Variants in RASGRF2 observed in about 807,000 individuals in gnomAD.
RASGRF2 encodes Ras protein specific guanine nucleotide releasing factor 2.
Under a neutral mutation model 151.0 loss-of-function variants are expected in RASGRF2, and 76 were observed. The ratio of observed to expected loss-of-function variants is 0.50; its 90% CI spans 0.42 to 0.61. The LOEUF (loss-of-function observed/expected upper bound fraction) is 0.61. Ranked by LOEUF, RASGRF2 falls within the 20% of genes least tolerant of loss-of-function variation. The probability of loss-of-function intolerance (pLI) is 0.00; values close to 1 mark genes in which losing one functional copy is unlikely to be tolerated. For synonymous variants in RASGRF2, 504 were observed against 566.5 expected (o/e 0.89, Z 1.57); for missense variants, 1,148 against 1,564.6 (o/e 0.73, Z 4.49).
At chr5:81,093,002 C>T (rs1209893307) in intron 10 of RASGRF2, 41 bp downstream of exon 10, 1 of 1,525,122 alleles carries the variant, frequency 6.6e-7, no homozygotes, top group South Asian at 1.2e-5. Flanking sequence ...CTTCCAAGCA[C>T]TTACAAGTTA....
intron 1 of RASGRF2, among the ~76,000 whole-genome samples, chr5:81,024,752 C>T (rs1457156980): frequency 6.6e-6 from 1 of 152,178 alleles, no homozygotes; most frequent in Non-Finnish European, 1.5e-5. Context: ...AAGTCTTGGG[C>T]AGGCCCAGTG....
At chr5:81,123,496 T>C in intron 15 of RASGRF2, 146 bp from the exon 16 acceptor site, 1 of 997,906 alleles carries the variant, frequency 1.0e-6, no homozygotes, top group Non-Finnish European at 1.4e-6. Flanking sequence ...AGATTTAGTG[T>C]CATTAGTACT....
chr5:81,078,327 A>G (rs767170910), intron 5 of RASGRF2, among the ~76,000 whole-genome samples: 2 of 152,198 alleles, frequency 1.3e-5, no homozygotes, highest in African/African-American at 2.4e-5. Flanking sequence ...GCTATCAAAT[A>G]ATAGAAGTTA....
intron 1 of RASGRF2, among the ~76,000 whole-genome samples, chr5:80,982,432 T>C (rs1226450910): frequency 1.0e-5 from 1 of 97,660 alleles, no homozygotes; most frequent in African/African-American, 3.6e-5. Flanking sequence ...AAGAGCCATG[T>C]TTAACCTGTA....
intron 1 of RASGRF2, among the ~76,000 whole-genome samples, chr5:81,005,267 C>T (rs565980052): frequency 2.6e-5 from 4 of 152,212 alleles, no homozygotes; most frequent in East Asian, 1.9e-4. Flanking sequence ...CTCAGGAAAC[C>T]GACAATCATG....
Position 81,085,851 on chromosome 5 carries a change from A to G in RASGRF2, c.1211A>G (p.His404Arg), listed in dbSNP as rs145244937. Residue 404 changes from histidine (H) to arginine (R), a missense_variant, in exon 8 of 27, where the codon CAT becomes CGT. By Grantham distance (29) the His-to-Arg change is conservative. This residue lies in a region of RASGRF2 where 176 missense variants were observed against 309.6 expected (regional missense o/e 0.57). Coordinates refer to ENST00000265080, the MANE Select transcript of RASGRF2 (RefSeq NM_006909.3). ...CATGAGCTCCTTGCTCACACACCCCATGAGCATGTGGAAAGGAAAAGCCTG... is the reference window on the plus strand; with the variant it reads ...CATGAGCTCCTTGCTCACACACCCCGTGAGCATGTGGAAAGGAAAAGCCTG... ...TLHELLAHTP[H>R]EHVERKSLEF... The G allele has an allele frequency of 2.9e-5, 46 of 1,614,004 alleles. No homozygotes were observed. Among genetic ancestry groups the G allele is most frequent in the Middle Eastern group, 3.3e-4 (2 of 6,084 alleles).
chr5:81,217,550 A>T, intron 25 of RASGRF2, 77 bp downstream of exon 25: 1 of 865,690 alleles, frequency 1.2e-6, no homozygotes, highest in Non-Finnish European at 1.6e-6. Flanking sequence ...ATAAAAGTCA[A>T]TGTCTGCTTT....
intron 2 of RASGRF2, among the ~76,000 whole-genome samples, chr5:81,067,305 A>G (rs1037796534): frequency 3.3e-5 from 5 of 152,218 alleles, no homozygotes; most frequent in African/African-American, 1.2e-4. Context: ...TGAATGATGC[A>G]AGAAGATCTG....
intron 17 of RASGRF2, among the ~76,000 whole-genome samples, chr5:81,162,670 C>A (rs1400463716): frequency 2.0e-5 from 3 of 152,096 alleles, no homozygotes; most frequent in African/African-American, 7.2e-5. Context: ...TAATTGAGTG[C>A]CAAGACTTGC....
At chr5:81,085,774 G>C in intron 7 of RASGRF2, 28 bp from the exon 8 acceptor site, 1 of 1,613,570 alleles carries the variant, frequency 6.2e-7, no homozygotes, top group Non-Finnish European at 8.5e-7. Context: ...CTGATGTCTT[G>C]CTCATACTGG....
At chr5:81,137,303 T>C (rs1753777076) in intron 17 of RASGRF2, among the ~76,000 whole-genome samples, 1 of 152,220 alleles carries the variant, frequency 6.6e-6, no homozygotes, top group African/African-American at 2.4e-5. Context: ...TAAGCTGTCA[T>C]GTTTGGTAGG....
intron 5 of RASGRF2, among the ~76,000 whole-genome samples, chr5:81,074,056 A>G (rs2112465220): frequency 6.6e-6 from 1 of 152,282 alleles, no homozygotes; most frequent in South Asian, 2.1e-4. Context: ...AAGAAAATGG[A>G]GTGATTATGG....
chr5:81,092,956 C>A lies in RASGRF2; in HGVS notation c.1546C>A (p.Leu516Ile). Residue 516 changes from leucine (L) to isoleucine (I), a missense_variant, in exon 10 of 27, where the codon CTC becomes ATC. This residue lies in a region of RASGRF2 where 646 missense variants were observed against 807.4 expected (regional missense o/e 0.80). Transcript: ENST00000265080. ...AAGTTCAGGAGGGAAGCTTCATCTGCTCAAGGTACTGGTTTTCCATAACTG... is the reference window on the plus strand; with the variant it reads ...AAGTTCAGGAGGGAAGCTTCATCTGATCAAGGTACTGGTTTTCCATAACTG... ...TRSSGGKLHL[L>I]KTGGVLSLID... 1 of 1,609,374 alleles carries A rather than the reference C, an allele frequency of 6.2e-7. No homozygotes were observed. Among genetic ancestry groups the A allele is most frequent in the Non-Finnish European group, 8.5e-7 (1 of 1,177,172 alleles).
chr5:81,152,374 A>T (rs772676092), intron 17 of RASGRF2, among the ~76,000 whole-genome samples: 4 of 151,874 alleles, frequency 2.6e-5, no homozygotes, highest in Non-Finnish European at 5.9e-5. Flanking sequence ...ACTGCTAATA[A>T]TTTGAAGTTG....
chr5:81,168,983 T>C (rs1307708192), intron 17 of RASGRF2, among the ~76,000 whole-genome samples: 2 of 152,234 alleles, frequency 1.3e-5, no homozygotes, highest in African/African-American at 2.4e-5. Flanking sequence ...TTGACCAATA[T>C]CTCCTGGTTG....
chr5:81,166,817 G>T (rs371773021), intron 17 of RASGRF2, among the ~76,000 whole-genome samples: 1 of 152,106 alleles, frequency 6.6e-6, no homozygotes, highest in African/African-American at 2.4e-5. Flanking sequence ...CTGAGAACCC[G>T]AGATGAGGGG....
At chr5:81,070,209 A>G (rs1230506598) in intron 3 of RASGRF2, 1 of 357,820 alleles carries the variant, frequency 2.8e-6, no homozygotes, top group Non-Finnish European at 5.4e-6. Context: ...TGGCGGGCTC[A>G]CCACTGGCAG....
rs1401741307 is a variant in RASGRF2, at chr5:80,972,590, C to T, written c.288+11564C>T. On this transcript the variant is annotated intron_variant, in intron 1 of 26. Transcript: ENST00000265080. ...TGCCTCCTGGGTTCAAGCAGTTCTC[C>T]CACCTCAGCCTTCCGAGTAGCTGGG... 2.6e-5 allele frequency among the ~76,000 whole-genome samples: 4 copies of T among 152,156 alleles called. No individual in the cohort carries two copies. The East Asian group carries it at 7.7e-4, about 29-fold the overall frequency.
chr5:81,133,266 A>G lies in RASGRF2; in HGVS notation c.2686+6103A>G, dbSNP rs1753669879. 3.9e-5 allele frequency among the ~76,000 whole-genome samples: 6 copies of G among 152,216 alleles called. No homozygotes were observed. In the South Asian group the frequency reaches 1.0e-3, roughly 26 times the overall value. Reference sequence around the variant, plus strand: ...ATTGCCACCCCGATTTCCTTTTCCAATGTCAAACAGTCCTCCTTTTCATAG... The same window carrying G: ...ATTGCCACCCCGATTTCCTTTTCCAGTGTCAAACAGTCCTCCTTTTCATAG... On this transcript the variant is annotated intron_variant, in intron 17 of 26. Transcript: ENST00000265080.
Sources: gnomAD v4.1 joint callset for allele counts (sites outside exome capture counted in the v4.1 genomes callset) on GRCh38, gnomAD v4.1.1 for gene constraint, gnomAD v4.1.1 regional missense constraint, MANE v1.5 for transcripts, NCBI Gene and HGNC (gene_info 2026-07-23, HGNC 2026-07-21) for gene names.